Variants in AIG1 observed in about 807,000 individuals in gnomAD.
AIG1 encodes androgen induced 1.
AIG1 carries 23 observed loss-of-function variants against 31.4 expected under a neutral mutation model. That is an observed-to-expected ratio of 0.73 (90% CI 0.53 to 1.04). The LOEUF is 1.04. Among genes scored for constraint, AIG1 ranks in the 50% least tolerant of loss-of-function variants. The pLI is 0.00. For synonymous variants in AIG1, 100 were observed against 110.5 expected, an observed-to-expected ratio of 0.90 and a Z score of 0.60; for missense variants, 274 against 295.0, an observed-to-expected ratio of 0.93 and a Z score of 0.52.
rs1224211583 is a variant in AIG1, at chr6:143,333,807, G to C, written c.679+362G>C. ...AGCTAAAGGGACCTCAAATTAAATA[G>C]ATACATTATTAAATGTAACCAATCT... is the stretch of plus-strand genomic sequence containing the variant. On this transcript the variant is annotated intron_variant, in intron 5 of 5. Transcript: ENST00000357847. This position sits in a 1 kb window ranked among gnomAD's most constrained non-coding sequence, Gnocchi z 4.6. Among the ~76,000 whole-genome samples, 1 of 152,090 alleles carries C rather than the reference G, an allele frequency of 6.6e-6. No homozygotes were observed. Among genetic ancestry groups the C allele is most frequent in the Non-Finnish European group, 1.5e-5 (1 of 68,026 alleles).
intron 3 of AIG1, among the ~76,000 whole-genome samples, chr6:143,253,710 T>C (rs1795171565): frequency 2.0e-5 from 3 of 152,220 alleles, no homozygotes; most frequent in African/African-American, 4.8e-5. Context: ...TAAATCATTT[T>C]CAGTTTTTCA....
intron 1 of AIG1, among the ~76,000 whole-genome samples, chr6:143,064,732 C>T (rs1231448559): frequency 2.0e-5 from 3 of 152,200 alleles, no homozygotes; most frequent in Non-Finnish European, 4.4e-5. Flanking sequence ...TTTTTTCCTA[C>T]TTCATCCATG....
At chr6:143,143,533 A>G (rs1423660575) in intron 2 of AIG1, among the ~76,000 whole-genome samples, 5 of 112,608 alleles carry the variant, frequency 4.4e-5, no homozygotes, top group African/African-American at 1.7e-4. Flanking sequence ...AAAAAAATAT[A>G]TATATATATA....
At chr6:143,264,571 G>A (rs898639540) in intron 3 of AIG1, among the ~76,000 whole-genome samples, 3 of 152,104 alleles carry the variant, frequency 2.0e-5, no homozygotes, top group East Asian at 1.9e-4. Context: ...ACCAGATGTC[G>A]CCCGATTATG....
At chr6:143,313,063 G>A (rs531436062) in intron 4 of AIG1, among the ~76,000 whole-genome samples, 4 of 152,096 alleles carry the variant, frequency 2.6e-5, no homozygotes, top group East Asian at 1.9e-4. Flanking sequence ...AACAAATGTC[G>A]GGGAGGATGT....
chr6:143,213,386 A>G (rs540392210), intron 3 of AIG1, among the ~76,000 whole-genome samples: 182 of 152,242 alleles, frequency 1.2e-3, no homozygotes, highest in Middle Eastern at 6.8e-3. Flanking sequence ...GCAGGTTTCT[A>G]AGTGCTTTGA....
rs1220479125 is a variant in AIG1, at chr6:143,288,879, G to C, written c.515+4654G>C. On this transcript the variant is annotated intron_variant, in intron 4 of 5. Transcript: ENST00000357847. This position sits in a 1 kb window ranked among gnomAD's most constrained non-coding sequence, Gnocchi z 4.4. ...TGAAAAGGTAGGATGTCTCAAAGAA[G>C]TAGTGGGTGGTTACAAGTCATAGGT... 6.6e-6 allele frequency among the ~76,000 whole-genome samples: 1 copy of C among 152,218 alleles called. No individual in the cohort carries two copies. The highest frequency in any genetic ancestry group is 1.5e-5 in the Non-Finnish European group (1 of 68,040).
chr6:143,305,435 C>T (rs1392986567), intron 4 of AIG1, among the ~76,000 whole-genome samples: 2 of 152,190 alleles, frequency 1.3e-5, no homozygotes, highest in Non-Finnish European at 2.9e-5. Flanking sequence ...TCTTTGTTCT[C>T]GTTGGTTTCC....
chr6:143,131,072 T>C (rs549339226), intron 1 of AIG1, among the ~76,000 whole-genome samples: 25 of 152,032 alleles, frequency 1.6e-4, no homozygotes, highest in African/African-American at 6.0e-4. Flanking sequence ...ACTTACATGC[T>C]TTTTTTTGTT....
At chr6:143,316,573 T>A (rs563713829) in intron 4 of AIG1, among the ~76,000 whole-genome samples, 1 of 151,800 alleles carries the variant, frequency 6.6e-6, no homozygotes, top group East Asian at 1.9e-4. Context: ...AGAGACAATC[T>A]AAGACCACAC....
intron 1 of AIG1, among the ~76,000 whole-genome samples, chr6:143,074,325 A>G (rs1414741228): frequency 1.3e-5 from 2 of 152,102 alleles, no homozygotes; most frequent in Non-Finnish European, 1.5e-5. Flanking sequence ...TGCCAAGACC[A>G]TTTTCTGGGA....
chr6:143,164,831 C>T (rs150691541), intron 2 of AIG1: 2 of 349,104 alleles, frequency 5.7e-6, no homozygotes, highest in East Asian at 5.8e-5. Context: ...GGCCTCTTCT[C>T]TCTCCCTCAG....
rs1301484136 is a variant in AIG1 at position 143,258,720 on chromosome 6, G to C, written c.400-25390G>C. Reference sequence around the variant, plus strand: ...TGAAAATAATTTGAGGAACAATTGTGAAAAAAGTCTTATATTCTAGACCCA... The same window carrying C: ...TGAAAATAATTTGAGGAACAATTGTCAAAAAAGTCTTATATTCTAGACCCA... On this transcript the variant is annotated intron_variant, in intron 3 of 5. Coordinates refer to ENST00000357847, the MANE Select transcript of AIG1 (RefSeq NM_016108.4). This position sits in a 1 kb window ranked among gnomAD's most constrained non-coding sequence, Gnocchi z 4.7. 6.6e-6 allele frequency among the ~76,000 whole-genome samples: 1 copy of C among 152,112 alleles called. No individual in the cohort carries two copies. The highest frequency in any genetic ancestry group is 1.5e-5 in the Non-Finnish European group (1 of 68,026).
chr6:143,206,986 G>A (rs1461388799), intron 3 of AIG1, among the ~76,000 whole-genome samples: 3 of 151,990 alleles, frequency 2.0e-5, no homozygotes, highest in Admixed American at 2.0e-4. Flanking sequence ...TTTTTTAATG[G>A]GCCCTGCAAA....
In AIG1 at chr6:143,330,248, A is replaced by T. The variant is rs1776963703; in HGVS notation, c.516-3034A>T. The stretch of plus-strand genomic sequence containing the variant: ...TAAACAGACAAATAAAAATAAGTAG[A>T]GTATATTATTTGGCTGGGAGAAAAA... On this transcript the variant is annotated intron_variant, in intron 4 of 5. Coordinates refer to ENST00000357847, the MANE Select transcript of AIG1 (RefSeq NM_016108.4). The surrounding 1 kb of genome is among the most constrained non-coding windows in gnomAD (Gnocchi z 4.4). Among the ~76,000 whole-genome samples the T allele has an allele frequency of 6.6e-6, 1 of 152,194 alleles. No individual in the cohort carries two copies. The highest frequency in any genetic ancestry group is 2.1e-4 in the South Asian group (1 of 4,828).
intron 1 of AIG1, among the ~76,000 whole-genome samples, chr6:143,099,908 T>A (rs377249528): frequency 8.5e-5 from 13 of 152,332 alleles, no homozygotes; most frequent in East Asian, 7.7e-4. Flanking sequence ...ACCTGCTTTG[T>A]TGTTTGGGAG....
intron 3 of AIG1, among the ~76,000 whole-genome samples, chr6:143,217,548 G>T (rs767335498): frequency 6.6e-6 from 1 of 151,660 alleles, no homozygotes; most frequent in African/African-American, 2.4e-5. Context: ...TCGCTCTGTC[G>T]CCCAGGCTGG....
chr6:143,130,341 T>A (rs1783100163), intron 1 of AIG1, among the ~76,000 whole-genome samples: 1 of 152,158 alleles, frequency 6.6e-6, no homozygotes, highest in South Asian at 2.1e-4. Context: ...ATCTCTACAG[T>A]GTTGCTGACT....
At chr6:143,337,476 G>T (rs1242610022) in intron 5 of AIG1, among the ~76,000 whole-genome samples, 1 of 151,916 alleles carries the variant, frequency 6.6e-6, no homozygotes, top group East Asian at 1.9e-4. Context: ...CGATGTAGCA[G>T]TTTGGCGGGG....
Sources: gnomAD v4.1 joint callset for allele counts (sites outside exome capture counted in the v4.1 genomes callset) on GRCh38, gnomAD v4.1.1 for gene constraint, Gnocchi (gnomAD v3.1) non-coding constraint, MANE v1.5 for transcripts, NCBI Gene and HGNC (gene_info 2026-07-23, HGNC 2026-07-21) for gene names.